ANKMY1: variants seen among roughly 807,000 people sequenced by gnomAD.
ANKMY1 encodes the protein ankyrin repeat and MYND domain-containing protein 1.
ANKMY1 carries 98 observed loss-of-function variants against 102.0 expected under a neutral mutation model. That is an observed-to-expected ratio of 0.96 (90% confidence interval 0.82 to 1.14). The LOEUF is 1.14. Ranked by LOEUF, ANKMY1 falls within the 50% of genes most tolerant of loss-of-function variation. The probability of loss-of-function intolerance (pLI) is 0.00; values close to 1 mark genes in which losing one functional copy is unlikely to be tolerated. For missense variants in ANKMY1, 1,330 were observed against 1,347.6 expected (o/e 0.99, Z 0.20); for synonymous variants, 582 against 559.9 (o/e 1.04, Z -0.56).
intron 4 of ANKMY1, among the ~76,000 whole-genome samples, chr2:240,531,268 G>C (rs1021619371): frequency 2.6e-5 from 4 of 152,162 alleles, no homozygotes; most frequent in Non-Finnish European, 5.9e-5. Context: ...GAAACAAGTG[G>C]AACTTTCGTA....
In ANKMY1 at chr2:240,544,700, C is replaced by T. The variant is rs191454028; in HGVS notation, c.480+8214G>A. ...GCGAGGCATTGCCTCACTCAGGAAG[C>T]GCAAGGGGTCAGGGAGTTCCCTTTC... On this transcript the variant is annotated intron_variant, in intron 4 of 17. Coordinates refer to ENST00000401804, the MANE Select transcript of ANKMY1 (RefSeq NM_001282771.3). 6.9e-3 allele frequency among the ~76,000 whole-genome samples: 1,001 copies of T among 145,948 alleles called. 13 individuals carry two copies. Among genetic ancestry groups the T allele is most frequent in the East Asian group, 0.03 (154 of 5,184 alleles).
At position 240,543,912 on chromosome 2, in the gene ANKMY1, T is replaced by C. The variant is rs577794629; in HGVS notation, c.480+9002A>G. ...CTATAAAATGCTAACATCTGATAGTTTGGGATTTCTTGCTTCCTAGGGTTT... is the reference window on the plus strand; with the variant it reads ...CTATAAAATGCTAACATCTGATAGTCTGGGATTTCTTGCTTCCTAGGGTTT... On this transcript the variant is annotated intron_variant, in intron 4 of 17. Coordinates refer to ENST00000401804, the MANE Select transcript of ANKMY1 (RefSeq NM_001282771.3). 1.1e-4 allele frequency among the ~76,000 whole-genome samples: 16 copies of C among 152,294 alleles called. 1 individual carries two copies. The highest frequency in any genetic ancestry group is 9.2e-4 in the Admixed American group (14 of 15,300).
At chr2:240,555,479 A>C in intron 2 of ANKMY1, 2 of 197,912 alleles carry the variant, frequency 1.0e-5, no homozygotes, top group Non-Finnish European at 2.1e-5. Flanking sequence ...CTGCCCACAC[A>C]TGTGGACCCA....
rs764972182 is a variant in ANKMY1, at chr2:240,520,554, G to C, written c.1833-21C>G. The C allele has an allele frequency of 3.7e-6, 6 of 1,601,708 alleles. No homozygotes were observed. The highest frequency in any genetic ancestry group is 1.7e-5 in the Admixed American group (1 of 59,022). Reference sequence around the variant, plus strand: ...TCCGCCTGAAAAAGACGGTGCGCCCGTGGGCCCCTGGAGGGCAGGCACCTG... The same window carrying C: ...TCCGCCTGAAAAAGACGGTGCGCCCCTGGGCCCCTGGAGGGCAGGCACCTG... On this transcript the variant is annotated intron_variant, in intron 8 of 17. Coordinates refer to ENST00000401804, the MANE Select transcript of ANKMY1 (RefSeq NM_001282771.3). This position sits in a 1 kb window ranked among gnomAD's most constrained non-coding sequence, Gnocchi z 4.8.
intron 4 of ANKMY1, among the ~76,000 whole-genome samples, chr2:240,534,416 G>A: frequency 6.6e-6 from 1 of 152,118 alleles, no homozygotes; most frequent in Non-Finnish European, 1.5e-5. Flanking sequence ...AGACCAGCCT[G>A]GGCAACATAG....
At chr2:240,489,392 G>C (rs558669073) in intron 15 of ANKMY1, among the ~76,000 whole-genome samples, 1 of 152,064 alleles carries the variant, frequency 6.6e-6, no homozygotes, top group African/African-American at 2.4e-5. Context: ...GGGAGGCAGA[G>C]GTTGTAGTGA....
At chr2:240,543,535 A>G (rs988133262) in intron 4 of ANKMY1, among the ~76,000 whole-genome samples, 1 of 152,268 alleles carries the variant, frequency 6.6e-6, no homozygotes, top group Non-Finnish European at 1.5e-5. Flanking sequence ...GAATTTTTTG[A>G]TAAGTACGAC....
chr2:240,482,502 C>A (rs943091543), intron 15 of ANKMY1, among the ~76,000 whole-genome samples: 1 of 152,268 alleles, frequency 6.6e-6, no homozygotes, highest in Non-Finnish European at 1.5e-5. Context: ...TCTGCTGCTT[C>A]GCCTGTGTTG....
downstream of ANKMY1, chr2:240,479,416 A>C: frequency 1.4e-6 from 1 of 697,640 alleles, no homozygotes; most frequent in Non-Finnish European, 2.5e-6. Flanking sequence ...GGCAGAGCAC[A>C]GCACAGACTG....
At chr2:240,482,730 G>A (rs1265146910) in intron 15 of ANKMY1, among the ~76,000 whole-genome samples, 4 of 152,140 alleles carry the variant, frequency 2.6e-5, no homozygotes, top group African/African-American at 9.7e-5. Context: ...GTCTGTCCTG[G>A]AGAATGTCTC....
chr2:240,471,322 G>C, the ANKMY1 span, among the ~76,000 whole-genome samples: 1 of 147,472 alleles, frequency 6.8e-6, no homozygotes, highest in Non-Finnish European at 1.5e-5. Context: ...GCAGTGGTGT[G>C]ATCTCAGCTC....
upstream of ANKMY1, chr2:240,560,331 C>T (rs1171084366): frequency 1.1e-5 from 2 of 189,436 alleles, no homozygotes; most frequent in Non-Finnish European, 2.1e-5. Flanking sequence ...CGCAGTAGAG[C>T]GGGCAGGGCG....
intron 15 of ANKMY1, among the ~76,000 whole-genome samples, chr2:240,485,221 G>A (rs1403115744): frequency 6.6e-6 from 1 of 152,000 alleles, no homozygotes; most frequent in Non-Finnish European, 1.5e-5. Context: ...CCAGCTACTC[G>A]GGAGGCTGAG....
intron 4 of ANKMY1, among the ~76,000 whole-genome samples, chr2:240,551,059 C>G (rs2091428376): frequency 6.6e-6 from 1 of 152,114 alleles, no homozygotes; most frequent in Admixed American, 6.5e-5. Context: ...AATTGGAAGG[C>G]TGATGTGTTC....
At chr2:240,542,704 C>T (rs918056425) in intron 4 of ANKMY1, among the ~76,000 whole-genome samples, 5 of 132,430 alleles carry the variant, frequency 3.8e-5, no homozygotes, top group Middle Eastern at 3.6e-3. Context: ...GTATACATGT[C>T]TAGATATGTT....
chr2:240,529,076 G>C lies in ANKMY1; in HGVS notation c.914C>G (p.Pro305Arg), dbSNP rs1297462340. 7 of 1,614,050 alleles carry C rather than the reference G, an allele frequency of 4.3e-6. No individual in the cohort carries two copies. In the Admixed American group the frequency reaches 1.0e-4, roughly 23 times the overall value. ...TTGCTTCTGGATTTTGACCAACAAA[G>C]GGGTCTCATTGATTATGAACCATGG... ...GEPWFIINET[P>R]LLVKIQKQTY... Residue 305 changes from proline (P) to arginine (R), a missense_variant, in exon 5 of 18, where the codon CCT becomes CGT. Pro to Arg is a moderately radical substitution (Grantham distance 103). Transcript: ENST00000401804. This position sits in a 1 kb window ranked among gnomAD's most constrained non-coding sequence, Gnocchi z 4.2.
the ANKMY1 span, among the ~76,000 whole-genome samples, chr2:240,471,990 C>T: frequency 9.2e-5 from 14 of 152,024 alleles, no homozygotes; most frequent in African/African-American, 3.4e-4. Context: ...CTGCAGATCC[C>T]GAAATAGCCC....
intron 15 of ANKMY1, among the ~76,000 whole-genome samples, chr2:240,490,079 A>G (rs6717625): frequency 0.13 from 20,396 of 152,168 alleles, 1,496 homozygotes; most frequent in Non-Finnish European, 0.16. Flanking sequence ...TTTCTGTGGT[A>G]TCAGTTGTAA....
intron 4 of ANKMY1, among the ~76,000 whole-genome samples, chr2:240,538,827 T>C (rs2087720326): frequency 6.6e-6 from 1 of 152,226 alleles, no homozygotes; most frequent in East Asian, 1.9e-4. Flanking sequence ...GGTTTGTAAG[T>C]GCACCAATCA....
Sources: gnomAD v4.1 joint callset for allele counts (sites outside exome capture counted in the v4.1 genomes callset) on GRCh38, gnomAD v4.1.1 for gene constraint, Gnocchi (gnomAD v3.1) non-coding constraint, MANE v1.5 for transcripts, NCBI Gene and HGNC (gene_info 2026-07-23, HGNC 2026-07-21) for gene names.